Variants in PRDM15 observed in about 807,000 individuals in gnomAD.
PRDM15 encodes the protein PR/SET domain 15, also known as PR domain zinc finger protein 15.
A neutral mutation model predicts 128.6 loss-of-function variants in PRDM15; 64 were observed. The ratio of observed to expected loss-of-function variants is 0.50; its 90% CI spans 0.41 to 0.61. The LOEUF is 0.61. Ranked by LOEUF, PRDM15 falls within the 20% of genes least tolerant of loss-of-function variation. PRDM15 has a pLI of 0.00. For missense variants in PRDM15, 1,242 were observed against 1,569.1 expected, an observed-to-expected ratio of 0.79 and a Z score of 3.52; for synonymous variants, 615 against 621.8, an observed-to-expected ratio of 0.99 and a Z score of 0.16.
At chr21:41,834,999 G>A (rs931116670) in intron 11 of PRDM15, among the ~76,000 whole-genome samples, 3 of 152,170 alleles carry the variant, frequency 2.0e-5, no homozygotes, top group African/African-American at 2.4e-5. Flanking sequence ...CCTGGACGCC[G>A]CAGGAGATGT....
chr21:41,834,582 CA>C (rs1435597330), intron 11 of PRDM15: 3 of 1,545,754 alleles, frequency 1.9e-6, no homozygotes, highest in Non-Finnish European at 2.6e-6. Context: ...GAGGGGGACA[CA>C]AAGGCAACAG....
chr21:41,861,542 C>CG lies in PRDM15; in HGVS notation c.-9-1171_-9-1170insC, dbSNP rs113218375. The CG allele has an allele frequency of 8.6e-5, 135 of 1,563,978 alleles. 1 individual carries two copies. Among genetic ancestry groups the CG allele is most frequent in the Non-Finnish European group, 1.0e-4 (116 of 1,147,672 alleles). On this transcript the variant is annotated intron_variant, in intron 1 of 23. Coordinates refer to ENST00000398548, the MANE Select transcript of PRDM15 (RefSeq NM_001040424.3). Reference sequence around the variant, plus strand: ...ATGATTATTCCTCCTCTGCCCCCCCCCAATCCCCAACTGTGCGCACCGGCA... The same window carrying CG: ...ATGATTATTCCTCCTCTGCCCCCCCCGCAATCCCCAACTGTGCGCACCGGCA...
rs780563072 is a variant in PRDM15 at position 41,815,686 on chromosome 21, G to A, written c.2392+19C>T. On this transcript the variant is annotated intron_variant, in intron 19 of 23. Coordinates refer to ENST00000398548, the MANE Select transcript of PRDM15 (RefSeq NM_001040424.3). ...CACAGTGAGCGCCGTGGCTGGCGCG[G>A]CCCGGGCCTCGGACTCACCCGTGTG... The A allele has an allele frequency of 3.7e-6, 6 of 1,611,064 alleles. No homozygotes were observed. The highest frequency in any genetic ancestry group is 5.1e-6 in the Non-Finnish European group (6 of 1,179,616).
chr21:41,838,696 C>T lies in PRDM15; in HGVS notation c.872-633G>A, dbSNP rs183268509. On this transcript the variant is annotated intron_variant, in intron 7 of 23. Transcript: ENST00000398548. ...CATCTTCTCTGCCTATTCACAGAGA[C>T]CTGGGGAAACTGGCCAGGGGGCTTT... 2.3e-4 allele frequency among the ~76,000 whole-genome samples: 35 copies of T among 152,352 alleles called. 1 individual carries two copies. Among genetic ancestry groups the T allele is most frequent in the Admixed American group, 2.0e-3 (31 of 15,308 alleles).
At chr21:41,835,963 G>GGCCTCC in intron 10 of PRDM15, 150 bp downstream of exon 10, 1 of 115,678 alleles carries the variant, frequency 8.6e-6, no homozygotes, top group South Asian at 8.3e-5. Flanking sequence ...CTCCCCCACA[G>GGCCTCC]CCCCCGCCCA....
intron 19 of PRDM15, chr21:41,814,346 TG>T (rs2061968412): frequency 1.8e-5 from 1 of 56,626 alleles, no homozygotes. Flanking sequence ...TGCTCTAGTG[TG>T]TTATGAGAAT....
At chr21:41,806,003 C>T (rs1327425043) in intron 21 of PRDM15, among the ~76,000 whole-genome samples, 5 of 92,372 alleles carry the variant, frequency 5.4e-5, no homozygotes, top group African/African-American at 1.7e-4. Context: ...ACCACCACCA[C>T]CATCACCACC....
rs2063833820 is a variant in PRDM15 at position 41,862,063 on chromosome 21, G to A, written c.-9-1691C>T. On this transcript the variant is annotated intron_variant, in intron 1 of 23. Transcript: ENST00000398548. This position sits in a 1 kb window ranked among gnomAD's most constrained non-coding sequence, Gnocchi z 4.1. Reference sequence around the variant, plus strand: ...ACCAGTCTGGGATGGGGGCTCAGCTGGGCAGTGAGCAGGAGATGAACAGGA... The same window carrying A: ...ACCAGTCTGGGATGGGGGCTCAGCTAGGCAGTGAGCAGGAGATGAACAGGA... The A allele has an allele frequency of 1.0e-5, 13 of 1,283,568 alleles. No homozygotes were observed. The highest frequency in any genetic ancestry group is 1.2e-5 in the Non-Finnish European group (11 of 890,060). The allele number at this position is 1,283,568 out of a possible 1,614,324, so 79.5% of individuals were successfully genotyped here. A position where few individuals can be genotyped will look rare whatever the true frequency, so the allele number is the denominator to read the frequency against.
intron 1 of PRDM15, among the ~76,000 whole-genome samples, chr21:41,874,207 T>C (rs2064318520): frequency 5.3e-5 from 8 of 151,046 alleles, no homozygotes; most frequent in Admixed American, 5.3e-4. Context: ...CGATGAGGCT[T>C]GTGCGACCCT....
At chr21:41,865,452 A>C (rs569927369) in intron 1 of PRDM15, among the ~76,000 whole-genome samples, 1 of 152,276 alleles carries the variant, frequency 6.6e-6, no homozygotes, top group East Asian at 1.9e-4. Context: ...CGGCACCAGC[A>C]CACGGGACAG....
chr21:41,805,997 CCACCACCAT>C (rs1568879452), intron 21 of PRDM15, among the ~76,000 whole-genome samples: 75 of 76,742 alleles, frequency 9.8e-4, no homozygotes, highest in Middle Eastern at 6.1e-3. Context: ...ATCACCACCA[CCACCACCAT>C]CACCACCACC....
intron 19 of PRDM15, chr21:41,813,963 T>C (rs2061951968): frequency 6.9e-6 from 1 of 145,320 alleles, no homozygotes; most frequent in African/African-American, 2.6e-5. Context: ...CGCAGGGTGC[T>C]CTAGTGTTTT....
chr21:41,853,179 G>T lies in PRDM15; in HGVS notation c.538+1387C>A, dbSNP rs1413709699. 1.8e-4 allele frequency among the ~76,000 whole-genome samples: 28 copies of T among 152,204 alleles called. 1 individual carries two copies. Among genetic ancestry groups the T allele is most frequent in the Admixed American group, 1.8e-3 (28 of 15,282 alleles). On this transcript the variant is annotated intron_variant, in intron 5 of 23. Coordinates refer to ENST00000398548, the MANE Select transcript of PRDM15 (RefSeq NM_001040424.3). Reference sequence around the variant, plus strand: ...GTTGCTGGTGTTTTATGGGGGCAGCGCAGCGCCGGGACACTCCCACACAGC... The same window carrying T: ...GTTGCTGGTGTTTTATGGGGGCAGCTCAGCGCCGGGACACTCCCACACAGC...
chr21:41,847,207 GA>G lies in PRDM15; in HGVS notation c.539-17del. 1 of 1,536,204 alleles carries G rather than the reference GA, an allele frequency of 6.5e-7. No individual in the cohort carries two copies. The highest frequency in any genetic ancestry group is 8.8e-7 in the Non-Finnish European group (1 of 1,135,430). ...GTGCCTGCAGCTTCAAAAGACATGAGAGGAGAAAAAGGTGACCCCCAAGCAG... is the reference window on the plus strand; with the variant it reads ...GTGCCTGCAGCTTCAAAAGACATGAGGGAGAAAAAGGTGACCCCCAAGCAG... On this transcript the variant is annotated splice_polypyrimidine_tract_variant and intron_variant, in intron 5 of 23. Transcript: ENST00000398548.
intron 11 of PRDM15, among the ~76,000 whole-genome samples, chr21:41,834,270 G>C (rs1001169669): frequency 6.6e-6 from 1 of 152,146 alleles, no homozygotes; most frequent in Non-Finnish European, 1.5e-5. Flanking sequence ...AGCCCTCAGA[G>C]TAGAACTAGC....
chr21:41,878,290 G>A (rs747028913), intron 1 of PRDM15, among the ~76,000 whole-genome samples: 25 of 152,114 alleles, frequency 1.6e-4, no homozygotes, highest in Non-Finnish European at 3.2e-4. Context: ...TCACACACTT[G>A]TTTCTACCGT....
At chr21:41,845,647 A>G (rs1408783086) in intron 6 of PRDM15, among the ~76,000 whole-genome samples, 1 of 152,026 alleles carries the variant, frequency 6.6e-6, no homozygotes, top group East Asian at 2.0e-4. Context: ...GTGTTGACTC[A>G]AGGAAGTTTC....
chr21:41,844,248 C>T (rs1398930060), intron 6 of PRDM15, among the ~76,000 whole-genome samples: 1 of 152,102 alleles, frequency 6.6e-6, no homozygotes, highest in African/African-American at 2.4e-5. Context: ...CAGAACCCGT[C>T]TGTCATGTGG....
chr21:41,853,090 C>T lies in PRDM15; in HGVS notation c.538+1476G>A, dbSNP rs564437121. 7.9e-5 allele frequency among the ~76,000 whole-genome samples: 12 copies of T among 152,372 alleles called. 1 individual carries two copies. The highest frequency in any genetic ancestry group is 7.8e-4 in the Admixed American group (12 of 15,308). On this transcript the variant is annotated intron_variant, in intron 5 of 23. Transcript: ENST00000398548. ...CCAGAAGGGACCAGCCCTGCTGACA[C>T]CCTGACCGTGGGCGTGTGGCCTCCA...
Sources: allele counts gnomAD v4.1 joint callset (sites outside exome capture counted in the v4.1 genomes callset), GRCh38; gene constraint gnomAD v4.1.1; non-coding constraint Gnocchi (gnomAD v3.1); transcripts MANE v1.5; gene names NCBI Gene and HGNC (gene_info 2026-07-23, HGNC 2026-07-21).